The following ATG5 variants were observed in gnomAD, a reference collection of about 807,000 sequenced individuals.
ATG5 encodes autophagy protein 5.
ATG5 carries 14 observed loss-of-function variants against 36.5 expected under a neutral mutation model. That is an observed-to-expected ratio of 0.38 (90% CI 0.25 to 0.60). ATG5 has a LOEUF of 0.60. ATG5 is among the 20% of genes least tolerant of loss of function. The pLI is 0.60. For missense variants in ATG5, 195 were observed against 326.7 expected (o/e 0.60, Z 3.11); for synonymous variants, 95 against 101.5 (o/e 0.94, Z 0.38).
chr6:106,232,564 T>C (rs1777733319), intron 6 of ATG5, among the ~76,000 whole-genome samples: 1 of 152,098 alleles, frequency 6.6e-6, no homozygotes, highest in African/African-American at 2.4e-5. Flanking sequence ...TAAAGGATTC[T>C]GCCTCCTTTC....
intron 1 of ATG5, among the ~76,000 whole-genome samples, chr6:106,321,325 T>C (rs1001337031): frequency 1.3e-5 from 2 of 151,642 alleles, no homozygotes; most frequent in African/African-American, 2.4e-5. Flanking sequence ...TTTTCCCTCC[T>C]CTTTTGGCCA....
chr6:106,261,709 T>C (rs567185012), intron 5 of ATG5, among the ~76,000 whole-genome samples: 1 of 152,306 alleles, frequency 6.6e-6, no homozygotes, highest in African/African-American at 2.4e-5. Context: ...TGGTGGTAAT[T>C]AGGGTGATAA....
chr6:106,267,692 T>C (rs923415701), intron 5 of ATG5, among the ~76,000 whole-genome samples: 42 of 152,248 alleles, frequency 2.8e-4, no homozygotes, highest in African/African-American at 9.9e-4. Flanking sequence ...ACCACAAATC[T>C]ACAACCATCT....
At position 106,278,952 on chromosome 6, in the gene ATG5, G is replaced by A. The variant is rs1769976; in HGVS notation, c.478+709C>T. Reference sequence around the variant, plus strand: ...GTTTGCATTTTATGTAATTATCTGCGGTTAATATACCACAGTAATTGAAAT... The same window carrying A: ...GTTTGCATTTTATGTAATTATCTGCAGTTAATATACCACAGTAATTGAAAT... On this transcript the variant is annotated intron_variant, in intron 5 of 7. Transcript: ENST00000369076. 7.3e-3 allele frequency among the ~76,000 whole-genome samples: 1,112 copies of A among 152,188 alleles called. 19 individuals carry two copies. The highest frequency in any genetic ancestry group is 0.023 in the African/African-American group (964 of 41,516).
intron 4 of ATG5, among the ~76,000 whole-genome samples, chr6:106,284,799 T>C (rs1363929888): frequency 2.0e-5 from 3 of 152,014 alleles, no homozygotes; most frequent in South Asian, 2.1e-4. Flanking sequence ...TGGCCATTTA[T>C]AGAACTTTAC....
chr6:106,230,832 A>G (rs969482389), intron 6 of ATG5, among the ~76,000 whole-genome samples: 5 of 152,198 alleles, frequency 3.3e-5, no homozygotes, highest in African/African-American at 9.6e-5. Context: ...AGCATAAATT[A>G]TAACACCATC....
chr6:106,229,025 C>T (rs1404102946), intron 6 of ATG5, among the ~76,000 whole-genome samples: 1 of 152,252 alleles, frequency 6.6e-6, no homozygotes, highest in Non-Finnish European at 1.5e-5. Flanking sequence ...CCCATGCGTG[C>T]GCTCCTACCT....
At chr6:106,207,690 T>G (rs556823926) in intron 6 of ATG5, among the ~76,000 whole-genome samples, 2 of 152,302 alleles carry the variant, frequency 1.3e-5, no homozygotes, top group African/African-American at 4.8e-5. Context: ...AGACAATGTA[T>G]GGACTTTAAG....
intron 6 of ATG5, among the ~76,000 whole-genome samples, chr6:106,215,680 C>A (rs1038451990): frequency 2.6e-5 from 4 of 151,694 alleles, no homozygotes; most frequent in African/African-American, 9.7e-5. Flanking sequence ...AAGAGGAAAC[C>A]TTCGTGACCT....
At chr6:106,216,431 T>C (rs945403520) in intron 6 of ATG5, among the ~76,000 whole-genome samples, 2 of 152,228 alleles carry the variant, frequency 1.3e-5, no homozygotes, top group East Asian at 3.9e-4. Context: ...GAATGATGTA[T>C]TGATACATGC....
At chr6:106,195,297 T>C (rs1776129601) in intron 7 of ATG5, among the ~76,000 whole-genome samples, 1 of 152,220 alleles carries the variant, frequency 6.6e-6, no homozygotes, top group African/African-American at 2.4e-5. Flanking sequence ...CTTTTCATCA[T>C]GTGATGACAG....
chr6:106,313,273 A>G (rs950370965), intron 2 of ATG5, among the ~76,000 whole-genome samples: 5 of 152,342 alleles, frequency 3.3e-5, no homozygotes, highest in African/African-American at 1.2e-4. Flanking sequence ...CACACCTATC[A>G]TATCATTTCT....
At chr6:106,294,753 G>A (rs1383635737) in intron 3 of ATG5, among the ~76,000 whole-genome samples, 3 of 150,564 alleles carry the variant, frequency 2.0e-5, no homozygotes, top group Non-Finnish European at 3.0e-5. Context: ...TGAGGCGGGA[G>A]ACTCTCTTGA....
At chr6:106,188,019 TA>T (rs927668105) in intron 7 of ATG5, among the ~76,000 whole-genome samples, 11 of 152,296 alleles carry the variant, frequency 7.2e-5, no homozygotes, top group African/African-American at 2.6e-4. Context: ...ACTACTAACC[TA>T]AAAAAATGCT....
In ATG5 at chr6:106,186,376, A is replaced by G; in HGVS notation, c.*164T>C. On this transcript the variant is annotated 3_prime_UTR_variant, in exon 8 of 8. Transcript: ENST00000369076. ...AGCAGAGGTGATGCAAAGTAAGACCAGCCCAGTTGCCTTATCTGACATGGA... is the reference window on the plus strand; with the variant it reads ...AGCAGAGGTGATGCAAAGTAAGACCGGCCCAGTTGCCTTATCTGACATGGA... The G allele has an allele frequency of 1.4e-6, 1 of 730,928 alleles. No individual in the cohort carries two copies. The highest frequency in any genetic ancestry group is 2.2e-6 in the Non-Finnish European group (1 of 455,420). 45.3% of individuals were successfully genotyped at this position (730,928 alleles called of 1,614,324 possible).
chr6:106,248,798 C>T (rs373326246), intron 5 of ATG5, among the ~76,000 whole-genome samples: 6 of 151,990 alleles, frequency 3.9e-5, no homozygotes, highest in East Asian at 3.9e-4. Context: ...ATTAGCCAGG[C>T]GTGGTGGTGC....
intron 6 of ATG5, among the ~76,000 whole-genome samples, chr6:106,219,412 C>T (rs1197645030): frequency 2.0e-5 from 3 of 152,204 alleles, no homozygotes; most frequent in Non-Finnish European, 4.4e-5. Flanking sequence ...ACAGTCAGCC[C>T]TCCCTATCCA....
At chr6:106,269,276 T>C (rs1321255710) in intron 5 of ATG5, among the ~76,000 whole-genome samples, 1 of 151,922 alleles carries the variant, frequency 6.6e-6, no homozygotes, top group Non-Finnish European at 1.5e-5. Flanking sequence ...AGATACAGAG[T>C]GCTGATTGGT....
chr6:106,305,471 A>G (rs1470022334), intron 3 of ATG5, among the ~76,000 whole-genome samples: 1 of 152,214 alleles, frequency 6.6e-6, no homozygotes, highest in Non-Finnish European at 1.5e-5. Context: ...CACCTTATGA[A>G]AAGACAAACT....
Sources: allele counts gnomAD v4.1 joint callset (sites outside exome capture counted in the v4.1 genomes callset), GRCh38; gene constraint gnomAD v4.1.1; transcripts MANE v1.5; gene names NCBI Gene and HGNC (gene_info 2026-07-23, HGNC 2026-07-21).